SLC25A46: variants seen among roughly 807,000 people sequenced by gnomAD.
The protein encoded by SLC25A46 is mitochondrial outer membrane protein SLC25A46.
Under a neutral mutation model 44.6 loss-of-function variants are expected in SLC25A46, and 39 were observed. The ratio of observed to expected loss-of-function variants is 0.87; its 90% CI spans 0.68 to 1.14. The LOEUF is 1.14. Ranked by LOEUF, SLC25A46 falls within the 50% of genes most tolerant of loss-of-function variation. The pLI, the probability that SLC25A46 is intolerant of heterozygous loss-of-function variation, is 0.00. For synonymous variants in SLC25A46, 202 were observed against 185.8 expected (o/e 1.09, Z -0.71); for missense variants, 547 against 522.7 (o/e 1.05, Z -0.45).
intron 6 of SLC25A46, 92 bp from the exon 7 acceptor site, chr5:110,756,610 T>C: frequency 2.5e-6 from 2 of 785,534 alleles, no homozygotes. Context: ...AGCTTGACTA[T>C]AAATTATGTT....
intron 5 of SLC25A46, among the ~76,000 whole-genome samples, chr5:110,749,177 A>G (rs1799894302): frequency 6.6e-6 from 1 of 152,150 alleles, no homozygotes; most frequent in Non-Finnish European, 1.5e-5. Flanking sequence ...AGATTGGAAA[A>G]TGTTAACCAA....
intron 2 of SLC25A46, 91 bp downstream of exon 2, chr5:110,742,180 C>T: frequency 1.2e-6 from 1 of 866,554 alleles, no homozygotes; most frequent in South Asian, 2.1e-5. Context: ...ATTATTGCTT[C>T]CTTTAGGTTG....
At chr5:110,748,661 G>T (rs1463862175) in intron 5 of SLC25A46, among the ~76,000 whole-genome samples, 2 of 152,150 alleles carry the variant, frequency 1.3e-5, no homozygotes, top group African/African-American at 4.8e-5. Flanking sequence ...GCAACTGCCA[G>T]CTGAGGAACA....
rs1021792892 is a variant in SLC25A46, at chr5:110,755,346, T to A, written c.564-119T>A. On this transcript the variant is annotated intron_variant, in intron 5 of 7. Coordinates refer to ENST00000355943, the MANE Select transcript of SLC25A46 (RefSeq NM_138773.4). ...AAAGAAAATGTTCACCATTAGAATA[T>A]ATTTCTCCTACAGATTGAAAAAAAT... is the stretch of plus-strand genomic sequence containing the variant. 4.7e-6 allele frequency: 3 copies of A among 639,892 alleles called. No homozygotes were observed. In the African/African-American group the frequency reaches 5.7e-5, roughly 12 times the overall value. 39.6% of individuals were successfully genotyped at this position (639,892 alleles called of 1,614,324 possible). A position where few individuals can be genotyped will look rare whatever the true frequency, so the allele number is the denominator to read the frequency against.
At chr5:110,746,226 C>G (rs765056565) in intron 3 of SLC25A46, 43 bp from the exon 4 acceptor site, 2 of 1,414,566 alleles carry the variant, frequency 1.4e-6, no homozygotes, top group South Asian at 2.5e-5. Context: ...TATTTCTTGA[C>G]AAAACATTAA....
chr5:110,747,670 G>A (rs1321193551), intron 4 of SLC25A46, among the ~76,000 whole-genome samples: 1 of 152,132 alleles, frequency 6.6e-6, no homozygotes. Flanking sequence ...GCATGGATTT[G>A]TAAGATACTA....
rs762397399 is a variant in SLC25A46, at chr5:110,755,497, T to C, written c.596T>C (p.Ile199Thr). ...TTACATAAATGGAGTCCTAAACAAA[T>C]AGGAGAACACCTTCTACTGAAATCG... ...EVLHKWSPKQ[I>T]GEHLLLKSLT... Residue 199 changes from isoleucine to threonine, a missense_variant, in exon 6 of 8, where the codon ATA becomes ACA. Ile to Thr is a moderately conservative substitution (Grantham distance 89). Coordinates refer to ENST00000355943, the MANE Select transcript of SLC25A46 (RefSeq NM_138773.4). The C allele has an allele frequency of 6.3e-7, 1 of 1,575,838 alleles. No individual in the cohort carries two copies. Among genetic ancestry groups the C allele is most frequent in the African/African-American group, 1.4e-5 (1 of 72,668 alleles).
At chr5:110,739,638 TAGC>T (rs1350190483) in intron 1 of SLC25A46, among the ~76,000 whole-genome samples, 2 of 152,224 alleles carry the variant, frequency 1.3e-5, no homozygotes, top group Non-Finnish European at 2.9e-5. Flanking sequence ...ATGGGGTGCA[TAGC>T]AGGAATTTTT....
intron 2 of SLC25A46, 87 bp downstream of exon 2, chr5:110,742,176 G>C: frequency 1.1e-6 from 1 of 915,900 alleles, no homozygotes; most frequent in Non-Finnish European, 1.6e-6. Flanking sequence ...GATTATTATT[G>C]CTTCCTTTAG....
rs147949079 is a variant in SLC25A46 at position 110,758,329 on chromosome 5, T to G, written c.678+1570T>G. Among the ~76,000 whole-genome samples the G allele has an allele frequency of 3.8e-4, 58 of 152,308 alleles. 1 individual carries two copies. Among genetic ancestry groups the G allele is most frequent in the Middle Eastern group, 3.4e-3 (1 of 294 alleles). On this transcript the variant is annotated intron_variant, in intron 7 of 7. Coordinates refer to ENST00000355943, the MANE Select transcript of SLC25A46 (RefSeq NM_138773.4). ...GAGTTAAATCTTCAGACTCAACTTT[T>G]AAAAACAATCTCATCTGTCCCTCTA...
In SLC25A46 at chr5:110,739,118, C is replaced by T; in HGVS notation, c.-2C>T. 1 of 1,546,422 alleles carries T rather than the reference C, an allele frequency of 6.5e-7. No homozygotes were observed. Among genetic ancestry groups the T allele is most frequent in the Non-Finnish European group, 8.7e-7 (1 of 1,146,496 alleles). The stretch of plus-strand genomic sequence containing the variant: ...GGCTCGCGTCATCCTGCCCCCGCTG[C>T]GATGCATCCGCGGCGCCCGGACGGA... On this transcript the variant is annotated 5_prime_UTR_variant, in exon 1 of 8. Transcript: ENST00000355943.
chr5:110,750,750 C>A (rs1799948469), intron 5 of SLC25A46, among the ~76,000 whole-genome samples: 2 of 152,034 alleles, frequency 1.3e-5, no homozygotes, highest in Admixed American at 6.6e-5. Context: ...TGCCTGAATC[C>A]ATGTATGTGG....
chr5:110,756,745 A>T lies in SLC25A46; in HGVS notation c.664A>T (p.Ile222Phe). Residue 222 changes from isoleucine to phenylalanine, a missense_variant, in exon 7 of 8, where the codon ATT becomes TTT. Physicochemically the swap from Ile to Phe is conservative, Grantham distance 21. Coordinates refer to ENST00000355943, the MANE Select transcript of SLC25A46 (RefSeq NM_138773.4). ...VAMPFYSASLIETVQSEIIRD... is the reference protein window; with the variant it reads ...VAMPFYSASLFETVQSEIIRD... ...AATGCCTTTTTATTCAGCAAGTCTG[A>T]TTGAAACAGTGCAGGTGAGCTTTTT... is the stretch of plus-strand genomic sequence containing the variant. 1 of 1,563,740 alleles carries T rather than the reference A, an allele frequency of 6.4e-7. No homozygotes were observed. Among genetic ancestry groups the T allele is most frequent in the South Asian group, 1.3e-5 (1 of 79,924 alleles).
chr5:110,756,823 T>C, intron 7 of SLC25A46, 64 bp downstream of exon 7: 1 of 1,110,494 alleles, frequency 9.0e-7, no homozygotes, highest in Non-Finnish European at 1.2e-6. Context: ...ATTCAGTATA[T>C]TGTAGATATC....
In SLC25A46 at chr5:110,762,615, T is replaced by C. The variant is rs756077472; in HGVS notation, c.*833T>C. 8 of 151,946 alleles carry C rather than the reference T, an allele frequency of 5.3e-5. No homozygotes were observed. Among genetic ancestry groups the C allele is most frequent in the Non-Finnish European group, 1.0e-4 (7 of 67,936 alleles). 9.4% of individuals were successfully genotyped at this position (151,946 alleles called of 1,614,324 possible). A position where few individuals can be genotyped will look rare whatever the true frequency, so the allele number is the denominator to read the frequency against. On this transcript the variant is annotated 3_prime_UTR_variant, in exon 8 of 8. Coordinates refer to ENST00000355943, the MANE Select transcript of SLC25A46 (RefSeq NM_138773.4). ...AGAGTTTGGTTTGCTTTGCTAGTTG[T>C]GTGAATCATTGGGCTGTTTTTAGAG...
chr5:110,753,859 C>T (rs1171146095), intron 5 of SLC25A46: 4 of 152,054 alleles, frequency 2.6e-5, no homozygotes, highest in African/African-American at 4.8e-5. Flanking sequence ...AAATTGGTGT[C>T]GTCATAAACT....
rs564079726 is a variant in SLC25A46 at position 110,763,719 on chromosome 5, T to C, written c.*1937T>C. 6.6e-6 allele frequency: 1 copy of C among 152,016 alleles called. No homozygotes were observed. The highest frequency in any genetic ancestry group is 2.1e-4 in the South Asian group (1 of 4,834). 9.4% of individuals were successfully genotyped at this position (152,016 alleles called of 1,614,324 possible). A position where few individuals can be genotyped will look rare whatever the true frequency, so the allele number is the denominator to read the frequency against. On this transcript the variant is annotated 3_prime_UTR_variant, in exon 8 of 8. Coordinates refer to ENST00000355943, the MANE Select transcript of SLC25A46 (RefSeq NM_138773.4). Reference sequence around the variant, plus strand: ...GGAAGTTAGCATGAAAATAGTTAGTTACATAAATTCATTTTATTGTAGAAT... The same window carrying C: ...GGAAGTTAGCATGAAAATAGTTAGTCACATAAATTCATTTTATTGTAGAAT...
At chr5:110,759,718 AT>A (rs576775623) in intron 7 of SLC25A46, among the ~76,000 whole-genome samples, 65 of 152,218 alleles carry the variant, frequency 4.3e-4, no homozygotes, top group African/African-American at 1.3e-3. Context: ...AAAGTCTTTG[AT>A]AGGTTTGAGC....
In SLC25A46 at chr5:110,761,455, G is replaced by T. The variant is rs746484775; in HGVS notation, c.930G>T (p.Leu310Phe). The change falls in exon 8 of 8, where the codon TTG becomes TTT. Residue 310 changes from leucine (L) to phenylalanine (F), a missense_variant. Physicochemically the swap from Leu to Phe is conservative, Grantham distance 22 (BLOSUM62 0). Coordinates refer to ENST00000355943, the MANE Select transcript of SLC25A46 (RefSeq NM_138773.4). This position sits in a 1 kb window ranked among gnomAD's most constrained non-coding sequence, Gnocchi z 5.3. ...AESTSPVQSM[L>F]DAYFPELIAN... is the part of the protein sequence containing the mutation. ...GCACTAGCCCTGTGCAGAGTATGTT[G>T]GATGCTTATTTTCCAGAACTTATTG... is the stretch of plus-strand genomic sequence containing the variant. 1.1e-5 allele frequency: 18 copies of T among 1,613,686 alleles called. No homozygotes were observed. The highest frequency in any genetic ancestry group is 1.5e-5 in the Non-Finnish European group (18 of 1,179,800).
Sources: gnomAD v4.1 joint callset for allele counts (sites outside exome capture counted in the v4.1 genomes callset) on GRCh38, gnomAD v4.1.1 for gene constraint, Gnocchi (gnomAD v3.1) non-coding constraint, MANE v1.5 for transcripts, NCBI Gene and HGNC (gene_info 2026-07-23, HGNC 2026-07-21) for gene names.